Variants in AGRN observed in about 807,000 individuals in gnomAD.
The protein encoded by AGRN is agrin.
Under a neutral mutation model 211.0 loss-of-function variants are expected in AGRN, and 106 were observed. The observed-to-expected ratio is 0.50, with a 90% CI of 0.43 to 0.59. The LOEUF is 0.59. AGRN is among the 20% of genes least tolerant of loss of function. The pLI is 0.00. For synonymous variants in AGRN, 1,525 were observed against 1,332.5 expected, an observed-to-expected ratio of 1.14 and a Z score of -3.15; for missense variants, 3,040 against 2,982.6, an observed-to-expected ratio of 1.02 and a Z score of -0.45.
Position 1,049,392 on chromosome 1 carries a change from C to T in AGRN, c.4455C>T (p.Asp1485=), listed in dbSNP as rs200690566. The change falls in exon 25 of 36, where the codon GAC becomes GAT. Residue 1485 remains aspartate, a synonymous_variant. Coordinates refer to ENST00000379370, the MANE Select transcript of AGRN (RefSeq NM_198576.4). ...PVLGESPSGT[D]GLNLDTDLFV... ...TGGGCGAGAGTCCCAGTGGCACCGACGGCCTCAACCTGGACACAGACCTCT... is the reference window on the plus strand; with the variant it reads ...TGGGCGAGAGTCCCAGTGGCACCGATGGCCTCAACCTGGACACAGACCTCT... 6.2e-5 allele frequency: 99 copies of T among 1,598,926 alleles called. No homozygotes were observed. The highest frequency in any genetic ancestry group is 1.3e-4 in the African/African-American group (10 of 74,986).
chr1:1,046,053 C>A lies in AGRN; in HGVS notation c.2770C>A (p.Pro924Thr), dbSNP rs1173827677. The A allele has an allele frequency of 6.2e-7, 1 of 1,614,038 alleles. No homozygotes were observed. Among genetic ancestry groups the A allele is most frequent in the Non-Finnish European group, 8.5e-7 (1 of 1,180,022 alleles). Residue 924 changes from proline to threonine, a missense_variant, in exon 16 of 36, where the codon CCG (proline) becomes ACG (threonine). Transcript: ENST00000379370. ...GTCTGGCTCAGCCCACTGTGTCTGC[C>A]CGATGCTCACCTGTCCAGAGGCCAA... ...EESGSAHCVC[P>T]MLTCPEANAT...
Position 1,040,792 on chromosome 1 carries a change from C to T in AGRN, c.639C>T (p.Asp213=), listed in dbSNP as rs1644908862. The T allele has an allele frequency of 6.5e-6, 10 of 1,539,812 alleles. No homozygotes were observed. The South Asian group carries it at 7.1e-5, about 11-fold the overall frequency. The part of the protein sequence containing the change: ...PSVVAPVCGS[D]ASTYSNECEL... The stretch of plus-strand genomic sequence containing the variant: ...TGGTGGCGCCTGTGTGTGGGTCGGA[C>T]GCCTCCACCTACAGCAACGAATGCG... The change falls in exon 4 of 36, where the codon GAC becomes GAT. Residue 213 remains aspartate (D), a synonymous_variant. Coordinates refer to ENST00000379370, the MANE Select transcript of AGRN (RefSeq NM_198576.4).
At chr1:1,034,047 G>C in intron 2 of AGRN, 1 of 886,908 alleles carries the variant, frequency 1.1e-6, no homozygotes, top group Non-Finnish European at 1.4e-6. Context: ...CCCGGGACCC[G>C]GCGCGGCCTC....
At chr1:1,053,294 CATGTGTAG>C in intron 33 of AGRN, 1 of 473,546 alleles carries the variant, frequency 2.1e-6, no homozygotes, top group Non-Finnish European at 3.4e-6. Flanking sequence ...TCCGCACAAG[CATGTGTAG>C]GTGTCCCTGC....
chr1:1,053,206 G>GGT, intron 33 of AGRN: 1 of 300,962 alleles, frequency 3.3e-6, no homozygotes, highest in Non-Finnish European at 6.1e-6. Flanking sequence ...TCTGCACGTG[G>GGT]GTGTCTGCAT....
intron 6 of AGRN, 44 bp from the exon 7 acceptor site, chr1:1,041,912 G>A: frequency 1.2e-6 from 2 of 1,606,102 alleles, no homozygotes; most frequent in Non-Finnish European, 1.7e-6. Flanking sequence ...CAGGGATGGA[G>A]GGTGCTCCAG....
Position 1,040,703 on chromosome 1 carries a change from G to T in AGRN, c.550G>T (p.Glu184Ter). 6.5e-7 allele frequency: 1 copy of T among 1,547,686 alleles called. No homozygotes were observed. Among genetic ancestry groups the T allele is most frequent in the Non-Finnish European group, 8.7e-7 (1 of 1,146,880 alleles). ...GMLCGFGAVC[E>*]PNAEGPGRAS... is the part of the protein sequence containing the mutation. Reference sequence around the variant, plus strand: ...GCTGTGCGGCTTCGGCGCCGTGTGCGAGCCCAACGCGGAGGGGCCGGGCCG... The same window carrying T: ...GCTGTGCGGCTTCGGCGCCGTGTGCTAGCCCAACGCGGAGGGGCCGGGCCG... Residue 184 changes from glutamate (E) to a stop codon, truncating the protein, a stop_gained, in exon 4 of 36, where the codon GAG becomes TAG. Transcript: ENST00000379370. LOFTEE classifies it high-confidence loss of function.
At position 1,022,429 on chromosome 1, in the gene AGRN, C is replaced by A. The variant is rs369812653; in HGVS notation, c.430C>A (p.Arg144=). The change falls in exon 2 of 36, where the codon CGG becomes AGG. Residue 144 remains arginine, a synonymous_variant. Transcript: ENST00000379370. The part of the protein sequence containing the change: ...LNSSLMRITL[R]NLEEVEFCVE... ...CTCCAGCCTCATGCGGATCACCCTG[C>A]GGAACCTGGAGGAGGTGGAGTTCTG... 1 of 1,612,018 alleles carries A rather than the reference C, an allele frequency of 6.2e-7. No homozygotes were observed. Among genetic ancestry groups the A allele is most frequent in the African/African-American group, 1.3e-5 (1 of 74,864 alleles).
At chr1:1,052,295 C>T (rs1480627793) in intron 33 of AGRN, 14 of 350,790 alleles carry the variant, frequency 4.0e-5, no homozygotes, top group South Asian at 2.1e-4. Context: ...TGCACTTCCG[C>T]GTGTGTGAAC....
chr1:1,051,396 G>A (rs1422631500), intron 31 of AGRN, 27 bp downstream of exon 31: 2 of 1,548,618 alleles, frequency 1.3e-6, no homozygotes, highest in Non-Finnish European at 1.7e-6. Context: ...CGTCCCAGCA[G>A]GGCCTCCGGG....
chr1:1,026,832 G>A (rs1477012858), intron 2 of AGRN, among the ~76,000 whole-genome samples: 3 of 152,212 alleles, frequency 2.0e-5, no homozygotes, highest in Non-Finnish European at 4.4e-5. Flanking sequence ...ATCACCCCAT[G>A]GACAGTCGCC....
At chr1:1,039,775 C>T (rs1210430061) in intron 3 of AGRN, among the ~76,000 whole-genome samples, 2 of 150,580 alleles carry the variant, frequency 1.3e-5, no homozygotes, top group African/African-American at 4.9e-5. Context: ...AGAGTGAGGG[C>T]GATGGAGGAG....
chr1:1,034,499 A>G (rs1417854209), intron 2 of AGRN: 1 of 985,578 alleles, frequency 1.0e-6, no homozygotes, highest in Non-Finnish European at 1.2e-6. Context: ...GCCCAAGGGC[A>G]CCCCGTGAGG....
intron 2 of AGRN, among the ~76,000 whole-genome samples, chr1:1,022,834 GA>G (rs1460812236): frequency 6.6e-6 from 1 of 152,278 alleles, no homozygotes; most frequent in Non-Finnish European, 1.5e-5. Flanking sequence ...CCTCCGTCTA[GA>G]CGGGCCCGCG....
At chr1:1,053,449 C>T in intron 33 of AGRN, 2 of 1,453,154 alleles carry the variant, frequency 1.4e-6, no homozygotes, top group Non-Finnish European at 1.8e-6. Flanking sequence ...TCCCTCTCTT[C>T]CTGCTTCTAA....
In AGRN at chr1:1,042,032, C is replaced by A; in HGVS notation, c.1254C>A (p.Arg418=). ...RRGRPRCSCD[R]VTCDGAYRPV... ...GCCGTCCCCGCTGCTCCTGCGACCGCGTCACCTGTGACGGGGCCTACAGGC... is the reference window on the plus strand; with the variant it reads ...GCCGTCCCCGCTGCTCCTGCGACCGAGTCACCTGTGACGGGGCCTACAGGC... The change falls in exon 7 of 36, where the codon CGC becomes CGA. Residue 418 remains arginine, a synonymous_variant. Coordinates refer to ENST00000379370, the MANE Select transcript of AGRN (RefSeq NM_198576.4). 6.2e-7 allele frequency: 1 copy of A among 1,610,216 alleles called. No homozygotes were observed. Among genetic ancestry groups the A allele is most frequent in the Admixed American group, 1.7e-5 (1 of 59,986 alleles).
intron 33 of AGRN, 183 bp from the exon 34 acceptor site, chr1:1,053,570 T>A (rs540300257): frequency 2.0e-6 from 3 of 1,519,346 alleles, no homozygotes; most frequent in Non-Finnish European, 2.7e-6. Context: ...GATCTCTCTC[T>A]GCCAGGCTGC....
rs770369994 is a variant in AGRN, at chr1:1,043,734, T to G, written c.1798+2T>G. 1.2e-6 allele frequency: 2 copies of G among 1,601,198 alleles called. No homozygotes were observed. The highest frequency in any genetic ancestry group is 4.5e-5 in the East Asian group (2 of 44,856). On this transcript the variant is annotated splice_donor_variant, in intron 9 of 35. Transcript: ENST00000379370. LOFTEE classifies it high-confidence loss of function. Reference sequence around the variant, plus strand: ...ACGTGGCCTCAGCTGGACCCTGTGGTGAGTGAGGCCCTGGGGCCGGGCGGG... The same window carrying G: ...ACGTGGCCTCAGCTGGACCCTGTGGGGAGTGAGGCCCTGGGGCCGGGCGGG...
At chr1:1,041,033 GGGC>G (rs1644917647) in intron 4 of AGRN, 137 bp from the exon 5 acceptor site, 2 of 560,056 alleles carry the variant, frequency 3.6e-6, no homozygotes, top group Admixed American at 5.7e-5. Context: ...GGGCGGAGCG[GGGC>G]GGGAGCGGGG....
Sources: gnomAD v4.1 joint callset for allele counts (sites outside exome capture counted in the v4.1 genomes callset) on GRCh38, gnomAD v4.1.1 for gene constraint, MANE v1.5 for transcripts, NCBI Gene and HGNC (gene_info 2026-07-23, HGNC 2026-07-21) for gene names.